Variants in NPRL3 observed in about 807,000 individuals in gnomAD.
The protein encoded by NPRL3 is NPR3 like, GATOR1 complex subunit.
Under a neutral mutation model 57.2 loss-of-function variants are expected in NPRL3, and 23 were observed. The ratio of observed to expected loss-of-function variants is 0.40; its 90% CI spans 0.29 to 0.57. The LOEUF (loss-of-function observed/expected upper bound fraction) is 0.57. Ranked by LOEUF, NPRL3 falls within the 20% of genes least tolerant of loss-of-function variation. The probability of loss-of-function intolerance (pLI) is 0.42; values close to 1 mark genes in which losing one functional copy is unlikely to be tolerated. For missense variants in NPRL3, 691 were observed against 767.1 expected (o/e 0.90, Z 1.17); for synonymous variants, 333 against 321.1 (o/e 1.04, Z -0.39).
intron 3 of NPRL3, chr16:127,031 A>G (rs897710991): frequency 6.6e-6 from 1 of 152,034 alleles, no homozygotes; most frequent in African/African-American, 2.4e-5. Flanking sequence ...CCACCATGCC[A>G]GGCTAATTTT....
intron 3 of NPRL3, among the ~76,000 whole-genome samples, chr16:121,963 C>CG (rs1900301307): frequency 6.6e-6 from 1 of 151,842 alleles, no homozygotes; most frequent in Non-Finnish European, 1.5e-5. Flanking sequence ...TTAGTAGAGA[C>CG]GGGGTTTCAC....
At chr16:123,197 G>A (rs1454526664) in intron 3 of NPRL3, among the ~76,000 whole-genome samples, 3 of 152,142 alleles carry the variant, frequency 2.0e-5, no homozygotes, top group Non-Finnish European at 4.4e-5. Context: ...ACCCTCACAG[G>A]ACTACTTGTG....
intron 6 of NPRL3, among the ~76,000 whole-genome samples, chr16:111,461 T>G (rs1458481852): frequency 6.6e-6 from 1 of 151,916 alleles, no homozygotes; most frequent in African/African-American, 2.4e-5. Context: ...TATTTATTTT[T>G]TTTTTGAGAC....
chr16:109,258 C>T (rs148404563), intron 7 of NPRL3, among the ~76,000 whole-genome samples: 3 of 152,194 alleles, frequency 2.0e-5, no homozygotes, highest in East Asian at 1.9e-4. Flanking sequence ...TGAGTCACCA[C>T]GCCCGGCCTG....
chr16:102,510 CT>C (rs1323449815), intron 7 of NPRL3, among the ~76,000 whole-genome samples: 1 of 152,230 alleles, frequency 6.6e-6, no homozygotes, highest in Non-Finnish European at 1.5e-5. Context: ...CACACAAGTT[CT>C]TCTCCAAACT....
At chr16:87,135 C>A (rs3176440) in intron 13 of NPRL3, among the ~76,000 whole-genome samples, 1 of 152,236 alleles carries the variant, frequency 6.6e-6, no homozygotes, top group African/African-American at 2.4e-5. Context: ...GGTGCCCAAG[C>A]CTGCGTCCTG....
chr16:130,625 A>G (rs753671887), intron 2 of NPRL3, 34 bp from the exon 3 acceptor site: 1 of 1,547,998 alleles, frequency 6.5e-7, no homozygotes, highest in Non-Finnish European at 8.7e-7. Context: ...AAGGGCTAAG[A>G]AAACAGGGTC....
In NPRL3 at chr16:130,582, C is replaced by G. The variant is rs376476299; in HGVS notation, c.128G>C (p.Arg43Pro). ...CGTGTTGCTGGCAGCGTATCTGCTA[C>G]GCGGCTTACCTGAGTCGGGGCGAAA... ...EHPASQTSKP[R>P]SRYAASNTGD... The change falls in exon 3 of 14, where the codon CGT (arginine) becomes CCT (proline). Residue 43 changes from arginine to proline, a missense_variant. Arg to Pro is a moderately radical substitution (Grantham distance 103, BLOSUM62 -2). Transcript: ENST00000611875. 24 of 1,554,282 alleles carry G rather than the reference C, an allele frequency of 1.5e-5. No homozygotes were observed. Among genetic ancestry groups the G allele is most frequent in the Non-Finnish European group, 2.1e-5 (24 of 1,148,590 alleles).
At chr16:95,350 T>TATATACAC (rs1223611120) in intron 9 of NPRL3, among the ~76,000 whole-genome samples, 71 of 110,976 alleles carry the variant, frequency 6.4e-4, no homozygotes, top group African/African-American at 2.5e-3. Context: ...TATATATATA[T>TATATACAC]ACACACACAC....
chr16:129,905 A>C (rs1900714373), intron 3 of NPRL3, among the ~76,000 whole-genome samples: 1 of 152,200 alleles, frequency 6.6e-6, no homozygotes, highest in African/African-American at 2.4e-5. Context: ...CTATGTTACC[A>C]TTTACTATGC....
Position 88,679 on chromosome 16 carries a change from C to CG in NPRL3, c.1544+18dup. ...ACCCTGCAACTGGCCCCAGTCCCAA[C>CG]GGGTCAACCTACACCCACCTGGCAA... On this transcript the variant is annotated intron_variant, in intron 13 of 13. Coordinates refer to ENST00000611875, the MANE Select transcript of NPRL3 (RefSeq NM_001077350.3). The CG allele has an allele frequency of 6.3e-7, 1 of 1,594,104 alleles. No homozygotes were observed. The highest frequency in any genetic ancestry group is 8.6e-7 in the Non-Finnish European group (1 of 1,165,372).
intron 2 of NPRL3, among the ~76,000 whole-genome samples, chr16:130,953 C>T (rs1900761208): frequency 6.6e-6 from 1 of 152,174 alleles, no homozygotes; most frequent in Non-Finnish European, 1.5e-5. Context: ...AAACAGATAG[C>T]GGTAATGGCT....
chr16:89,905 G>A lies in NPRL3; in HGVS notation c.1162-3C>T. On this transcript the variant is annotated splice_region_variant and splice_polypyrimidine_tract_variant and intron_variant, in intron 11 of 13. Coordinates refer to ENST00000611875, the MANE Select transcript of NPRL3 (RefSeq NM_001077350.3). Reference sequence around the variant, plus strand: ...ACCACCATCTGGATGAGCTGGGTCTGCGGGTGGCAGCAGGTGAGGCTGGTC... The same window carrying A: ...ACCACCATCTGGATGAGCTGGGTCTACGGGTGGCAGCAGGTGAGGCTGGTC... The A allele has an allele frequency of 6.5e-7, 1 of 1,544,336 alleles. No individual in the cohort carries two copies. The highest frequency in any genetic ancestry group is 8.7e-7 in the Non-Finnish European group (1 of 1,144,678).
At chr16:103,265 A>C (rs1259525908) in intron 7 of NPRL3, among the ~76,000 whole-genome samples, 1 of 141,456 alleles carries the variant, frequency 7.1e-6, no homozygotes, top group Non-Finnish European at 1.5e-5. Flanking sequence ...AGTAACTGGG[A>C]CTACAGACGT....
chr16:111,511 C>G (rs1306572365), intron 6 of NPRL3, among the ~76,000 whole-genome samples: 3 of 151,770 alleles, frequency 2.0e-5, no homozygotes, highest in Admixed American at 6.6e-5. Flanking sequence ...TGCAGTGGTG[C>G]AATCTCAGCT....
chr16:136,622 G>A (rs1433265729), intron 2 of NPRL3, among the ~76,000 whole-genome samples: 13 of 151,422 alleles, frequency 8.6e-5, no homozygotes, highest in East Asian at 5.8e-4. Flanking sequence ...ACAGGGGGTC[G>A]GAGGTTGCGG....
intron 5 of NPRL3, among the ~76,000 whole-genome samples, chr16:116,648 C>T (rs188093759): frequency 1.7e-3 from 252 of 152,092 alleles, no homozygotes; most frequent in African/African-American, 5.7e-3. Context: ...AAGGTGAAAA[C>T]TCATCTCTAC....
At chr16:113,814 A>G (rs1175058136) in intron 5 of NPRL3, among the ~76,000 whole-genome samples, 2 of 152,246 alleles carry the variant, frequency 1.3e-5, no homozygotes, top group Admixed American at 6.5e-5. Flanking sequence ...TGACCCAGAC[A>G]GTAAATACGT....
At chr16:125,219 C>T (rs532070153) in intron 3 of NPRL3, 9 of 154,540 alleles carry the variant, frequency 5.8e-5, no homozygotes, top group African/African-American at 1.7e-4. Context: ...CAAAGATCCA[C>T]AGAAGGGATC....
Sources: allele counts gnomAD v4.1 joint callset (sites outside exome capture counted in the v4.1 genomes callset), GRCh38; gene constraint gnomAD v4.1.1; transcripts MANE v1.5; gene names NCBI Gene and HGNC (gene_info 2026-07-23, HGNC 2026-07-21).